SLC44A5: variants seen among roughly 807,000 people sequenced by gnomAD.
SLC44A5 encodes the protein solute carrier family 44 member 5.
Under a neutral mutation model 101.8 loss-of-function variants are expected in SLC44A5, and 57 were observed. That is an observed-to-expected ratio of 0.56 (90% confidence interval 0.45 to 0.70). The LOEUF (loss-of-function observed/expected upper bound fraction) is 0.70. SLC44A5 is among the 30% of genes least tolerant of loss of function. The pLI, the probability that SLC44A5 is intolerant of heterozygous loss-of-function variation, is 0.00. For synonymous variants in SLC44A5, 281 were observed against 290.9 expected (o/e 0.97, Z 0.35); for missense variants, 737 against 853.1 (o/e 0.86, Z 1.70).
intron 2 of SLC44A5, among the ~76,000 whole-genome samples, chr1:75,477,121 G>T (rs973423587): frequency 6.6e-6 from 1 of 152,288 alleles, no homozygotes; most frequent in South Asian, 2.1e-4. Context: ...TGCAGCCACC[G>T]CTGCTGGTAC....
chr1:75,210,503 C>T (rs369658449), intron 23 of SLC44A5, among the ~76,000 whole-genome samples: 15 of 152,310 alleles, frequency 9.8e-5, no homozygotes, highest in African/African-American at 1.4e-4. Context: ...AGGCACTCCT[C>T]TCCGAATCCT....
intron 4 of SLC44A5, among the ~76,000 whole-genome samples, chr1:75,323,191 G>C (rs1157961047): frequency 6.7e-6 from 1 of 149,748 alleles, no homozygotes; most frequent in Non-Finnish European, 1.5e-5. Context: ...AATATGCGGT[G>C]TTTGGTTTTT....
At chr1:75,557,636 A>G (rs1557905326) in intron 1 of SLC44A5, among the ~76,000 whole-genome samples, 1 of 152,134 alleles carries the variant, frequency 6.6e-6, no homozygotes, top group Non-Finnish European at 1.5e-5. Flanking sequence ...TATATGGTTC[A>G]TATTTAGAAG....
At chr1:75,546,784 T>C (rs1490461320) in intron 1 of SLC44A5, among the ~76,000 whole-genome samples, 1 of 152,160 alleles carries the variant, frequency 6.6e-6, no homozygotes, top group Non-Finnish European at 1.5e-5. Flanking sequence ...CTGGTGATTA[T>C]ATTAAGGGTC....
the SLC44A5 span, among the ~76,000 whole-genome samples, chr1:75,680,580 C>T: frequency 6.5e-4 from 99 of 151,464 alleles, no homozygotes; most frequent in African/African-American, 2.3e-3. Context: ...AAAGACACAA[C>T]ATACCAGAAT....
At chr1:75,321,034 A>C (rs1271642813) in intron 4 of SLC44A5, among the ~76,000 whole-genome samples, 1 of 152,200 alleles carries the variant, frequency 6.6e-6, no homozygotes, top group Non-Finnish European at 1.5e-5. Context: ...ATGTAGGAGA[A>C]AATGCAAATT....
At chr1:75,453,023 C>T (rs902013305) in intron 2 of SLC44A5, among the ~76,000 whole-genome samples, 1 of 152,094 alleles carries the variant, frequency 6.6e-6, no homozygotes, top group Non-Finnish European at 1.5e-5. Context: ...AAAAGTTCAA[C>T]ACTTCACCAA....
chr1:75,311,717 A>T (rs1655314393), intron 4 of SLC44A5: 2 of 178,312 alleles, frequency 1.1e-5, no homozygotes, highest in Non-Finnish European at 2.2e-5. Context: ...TGGGGAACAG[A>T]TAATAAATAA....
chr1:75,427,315 CT>C (rs748657718), intron 2 of SLC44A5, among the ~76,000 whole-genome samples: 4 of 152,154 alleles, frequency 2.6e-5, no homozygotes, highest in Non-Finnish European at 4.4e-5. Flanking sequence ...TATAAATAAG[CT>C]ATCATTTATT....
chr1:75,280,584 G>T (rs1312756612), intron 5 of SLC44A5, among the ~76,000 whole-genome samples: 1 of 147,228 alleles, frequency 6.8e-6, no homozygotes, highest in Non-Finnish European at 1.5e-5. Flanking sequence ...GTCTGGCCTT[G>T]TGTCCCCACT....
chr1:75,717,939 T>C, the SLC44A5 span, among the ~76,000 whole-genome samples: 1 of 152,194 alleles, frequency 6.6e-6, no homozygotes, highest in African/African-American at 2.4e-5. Context: ...AATGAAGATA[T>C]ACAAAGTTCC....
intron 3 of SLC44A5, chr1:75,357,083 C>T: frequency 2.4e-6 from 1 of 414,540 alleles, no homozygotes; most frequent in Non-Finnish European, 4.9e-6. Context: ...CTCAACTCTT[C>T]TCCTAAGAAC....
At chr1:75,623,793 T>C in the SLC44A5 span, among the ~76,000 whole-genome samples, 1 of 152,136 alleles carries the variant, frequency 6.6e-6, no homozygotes, top group African/African-American at 2.4e-5. Context: ...GATATAGCTA[T>C]AGAACTGGTT....
At chr1:75,246,900 A>G (rs1209980806) in intron 7 of SLC44A5, among the ~76,000 whole-genome samples, 1 of 152,018 alleles carries the variant, frequency 6.6e-6, no homozygotes, top group African/African-American at 2.4e-5. Flanking sequence ...TGTAGTGAGA[A>G]AAGGGAGTAG....
At chr1:75,621,189 G>A in the SLC44A5 span, among the ~76,000 whole-genome samples, 3 of 152,150 alleles carry the variant, frequency 2.0e-5, no homozygotes, top group African/African-American at 7.2e-5. Context: ...TTCTGACAAT[G>A]AAGATGATGA....
At chr1:75,226,168 A>T (rs1051471485) in intron 13 of SLC44A5, among the ~76,000 whole-genome samples, 1 of 152,206 alleles carries the variant, frequency 6.6e-6, no homozygotes, top group Admixed American at 6.5e-5. Flanking sequence ...TGGAAAAAAG[A>T]TGTCAGAGAA....
chr1:75,474,287 A>G (rs1327596638), intron 2 of SLC44A5, among the ~76,000 whole-genome samples: 3 of 152,142 alleles, frequency 2.0e-5, no homozygotes, highest in Non-Finnish European at 2.9e-5. Flanking sequence ...TCCAGTCTAA[A>G]CTTACTAGAT....
At chr1:75,476,210 G>T (rs967576179) in intron 2 of SLC44A5, among the ~76,000 whole-genome samples, 2 of 151,784 alleles carry the variant, frequency 1.3e-5, no homozygotes, top group African/African-American at 2.4e-5. Flanking sequence ...TATATATATA[G>T]AAAGTTATCA....
At chr1:75,690,934 C>T in the SLC44A5 span, among the ~76,000 whole-genome samples, 1 of 151,826 alleles carries the variant, frequency 6.6e-6, no homozygotes, top group Non-Finnish European at 1.5e-5. Flanking sequence ...TCAAGACCAG[C>T]CTGGGTGACA....
Sources: allele counts gnomAD v4.1 joint callset (sites outside exome capture counted in the v4.1 genomes callset), GRCh38; gene constraint gnomAD v4.1.1; transcripts MANE v1.5; gene names NCBI Gene and HGNC (gene_info 2026-07-23, HGNC 2026-07-21).